Variants in GPC6 observed in about 807,000 individuals in gnomAD.
GPC6 encodes glypican 6, also known as glypican-6.
In GPC6, 14 loss-of-function variants were observed where a neutral mutation model predicts 55.2. The ratio of observed to expected loss-of-function variants is 0.25; its 90% CI spans 0.17 to 0.40. The LOEUF (loss-of-function observed/expected upper bound fraction) is 0.40, where lower values mean the gene tolerates loss of function less well. GPC6 is among the 10% of genes least tolerant of loss of function. GPC6 has a pLI of 1.00. For synonymous variants in GPC6, 278 were observed against 259.6 expected (o/e 1.07, Z -0.68); for missense variants, 641 against 708.5 (o/e 0.90, Z 1.08).
At chr13:93,844,166 G>A (rs1259353288) in intron 3 of GPC6, among the ~76,000 whole-genome samples, 1 of 152,032 alleles carries the variant, frequency 6.6e-6, no homozygotes, top group East Asian at 1.9e-4. Context: ...TTAAGACAGA[G>A]TCTCGCTCTG....
intron 2 of GPC6, among the ~76,000 whole-genome samples, chr13:93,675,879 T>A (rs1481386157): frequency 1.3e-5 from 2 of 151,878 alleles, no homozygotes; most frequent in African/African-American, 2.4e-5. Flanking sequence ...AGATGTTGAG[T>A]AATTTTTCTA....
intron 2 of GPC6, among the ~76,000 whole-genome samples, chr13:93,748,183 T>G (rs1325595988): frequency 6.6e-6 from 1 of 152,180 alleles, no homozygotes; most frequent in Non-Finnish European, 1.5e-5. Context: ...CAAATTTGAT[T>G]GATAGATCTT....
intron 2 of GPC6, among the ~76,000 whole-genome samples, chr13:93,625,478 C>G (rs1396033453): frequency 1.3e-5 from 2 of 152,098 alleles, no homozygotes; most frequent in African/African-American, 2.4e-5. Context: ...TCCCAGTATC[C>G]AAATGATCAA....
chr13:93,752,266 T>G (rs1454171584), intron 2 of GPC6, among the ~76,000 whole-genome samples: 1 of 152,070 alleles, frequency 6.6e-6, no homozygotes, highest in African/African-American at 2.4e-5. Flanking sequence ...GTTTCAGAGC[T>G]CATGTTCGTC....
intron 3 of GPC6, among the ~76,000 whole-genome samples, chr13:93,973,418 T>G (rs1213967502): frequency 1.3e-5 from 2 of 152,194 alleles, no homozygotes; most frequent in African/African-American, 4.8e-5. Flanking sequence ...GGTCTGCAAT[T>G]TGATTAAACT....
intron 4 of GPC6, among the ~76,000 whole-genome samples, chr13:94,131,236 C>A (rs568306182): frequency 3.3e-5 from 5 of 151,932 alleles, no homozygotes; most frequent in African/African-American, 4.8e-5. Context: ...TCTGGAATGC[C>A]GAAAACCTCT....
At chr13:93,621,681 C>A (rs1878957583) in intron 2 of GPC6, among the ~76,000 whole-genome samples, 1 of 152,078 alleles carries the variant, frequency 6.6e-6, no homozygotes, top group Non-Finnish European at 1.5e-5. Flanking sequence ...CTATGTCCGA[C>A]CTTAGGATGG....
the GPC6 span, among the ~76,000 whole-genome samples, chr13:93,217,340 G>A: frequency 3.3e-5 from 5 of 152,102 alleles, no homozygotes; most frequent in East Asian, 3.8e-4. Context: ...CTTACTTCTC[G>A]TTAGTTATTT....
chr13:93,914,120 G>T (rs552721326), intron 3 of GPC6, among the ~76,000 whole-genome samples: 16 of 152,106 alleles, frequency 1.1e-4, no homozygotes, highest in African/African-American at 3.1e-4. Context: ...CAACGTGCAG[G>T]TTAGTTACAT....
intron 1 of GPC6, among the ~76,000 whole-genome samples, chr13:93,405,512 T>C (rs558594648): frequency 6.6e-6 from 1 of 152,202 alleles, no homozygotes; most frequent in Non-Finnish European, 1.5e-5. Context: ...GGAATGTTCT[T>C]AGTTTCTAAT....
At chr13:94,041,547 T>C (rs542319383) in intron 4 of GPC6, among the ~76,000 whole-genome samples, 1 of 152,000 alleles carries the variant, frequency 6.6e-6, no homozygotes, top group African/African-American at 2.4e-5. Context: ...TTAATTAGTA[T>C]GTCATTTTTG....
rs143653080 is a variant in GPC6 at position 93,774,406 on chromosome 13, C to T, written c.320-55748C>T. 2.1e-3 allele frequency among the ~76,000 whole-genome samples: 326 copies of T among 152,276 alleles called. 1 individual carries two copies. The highest frequency in any genetic ancestry group is 7.6e-3 in the African/African-American group (315 of 41,554). ...CACTGGAATATTAGGGACCATATCA[C>T]AAAGTATCTTATATTTTTAACTTGA... On this transcript the variant is annotated intron_variant, in intron 2 of 8. Coordinates refer to ENST00000377047, the MANE Select transcript of GPC6 (RefSeq NM_005708.5).
intron 2 of GPC6, among the ~76,000 whole-genome samples, chr13:93,690,584 C>A (rs892869885): frequency 6.6e-6 from 1 of 151,722 alleles, no homozygotes; most frequent in Non-Finnish European, 1.5e-5. Flanking sequence ...TTCCCAAGAA[C>A]GTCATTCTTT....
In GPC6 at chr13:93,971,612, G is replaced by C. The variant is rs115095387; in HGVS notation, c.712-56117G>C. On this transcript the variant is annotated intron_variant, in intron 3 of 8. Transcript: ENST00000377047. ...ATTGAAAATACATCTGTTGACTATA[G>C]ATCAATGTGATGCTACAGACTGTCT... 8.5e-3 allele frequency among the ~76,000 whole-genome samples: 1,292 copies of C among 152,288 alleles called. 21 individuals carry two copies. The highest frequency in any genetic ancestry group is 0.029 in the African/African-American group (1,206 of 41,560).
chr13:94,091,224 G>A (rs6492691), intron 4 of GPC6, among the ~76,000 whole-genome samples: 120,565 of 152,042 alleles, frequency 0.79, 48,128 homozygotes, highest in South Asian at 0.88. Context: ...TACGAAAATG[G>A]TAAAAATGTA....
intron 4 of GPC6, among the ~76,000 whole-genome samples, chr13:94,144,114 G>A (rs1282695839): frequency 1.3e-5 from 2 of 151,940 alleles, no homozygotes; most frequent in Non-Finnish European, 2.9e-5. Context: ...AGCCTCTGTC[G>A]CACACTCTTT....
intron 1 of GPC6, among the ~76,000 whole-genome samples, chr13:93,314,823 A>T (rs1879193577): frequency 1.3e-5 from 2 of 152,056 alleles, no homozygotes; most frequent in South Asian, 4.1e-4. Flanking sequence ...TTATAGAAGA[A>T]GATTAATCTG....
intron 4 of GPC6, among the ~76,000 whole-genome samples, chr13:94,252,121 T>C (rs995628674): frequency 2.6e-5 from 4 of 152,096 alleles, no homozygotes; most frequent in Admixed American, 6.6e-5. Flanking sequence ...CAATGTCCCA[T>C]ACTTATTTCC....
intron 4 of GPC6, among the ~76,000 whole-genome samples, chr13:94,212,886 G>A (rs772886594): frequency 1.3e-5 from 2 of 152,190 alleles, no homozygotes; most frequent in African/African-American, 2.4e-5. Flanking sequence ...GGCCGGGCAC[G>A]GTGGCTCACG....
Sources: gnomAD v4.1 joint callset for allele counts (sites outside exome capture counted in the v4.1 genomes callset) on GRCh38, gnomAD v4.1.1 for gene constraint, MANE v1.5 for transcripts, NCBI Gene and HGNC (gene_info 2026-07-23, HGNC 2026-07-21) for gene names.